The following CACNA2D3 variants were observed in gnomAD, a reference collection of about 807,000 sequenced individuals.
The protein encoded by CACNA2D3 is voltage-dependent calcium channel subunit alpha-2/delta-3.
A neutral mutation model predicts 160.6 loss-of-function variants in CACNA2D3; 60 were observed. The observed-to-expected ratio is 0.37, with a 90% CI of 0.30 to 0.46. CACNA2D3 has a LOEUF of 0.46. CACNA2D3 is among the 20% of genes least tolerant of loss of function. The probability of loss-of-function intolerance (pLI) is 1.00; values close to 1 mark genes in which losing one functional copy is unlikely to be tolerated. For missense variants in CACNA2D3, 1,205 were observed against 1,365.0 expected, an observed-to-expected ratio of 0.88 and a Z score of 1.85; for synonymous variants, 558 against 492.9, an observed-to-expected ratio of 1.13 and a Z score of -1.75.
intron 2 of CACNA2D3, among the ~76,000 whole-genome samples, chr3:54,237,784 C>G (rs1701910317): frequency 6.6e-6 from 1 of 152,204 alleles, no homozygotes; most frequent in Non-Finnish European, 1.5e-5. Flanking sequence ...CATTTTTCAT[C>G]TTTTCTCTTT....
chr3:54,978,768 G>T (rs1194191487), intron 29 of CACNA2D3, among the ~76,000 whole-genome samples: 5 of 152,138 alleles, frequency 3.3e-5, no homozygotes. Flanking sequence ...TGTTTCTTCT[G>T]AGCAGCAGTC....
At chr3:54,210,757 A>G (rs1263424993) in intron 2 of CACNA2D3, among the ~76,000 whole-genome samples, 2 of 152,108 alleles carry the variant, frequency 1.3e-5, no homozygotes, top group Non-Finnish European at 2.9e-5. Flanking sequence ...GTTCCCCTGA[A>G]GAGTCTGCCA....
chr3:54,418,496 AG>A (rs35129875), intron 4 of CACNA2D3, among the ~76,000 whole-genome samples: 9,143 of 152,300 alleles, frequency 0.06, 363 homozygotes, highest in East Asian at 0.18. Context: ...GCCACAACAC[AG>A]CTTTTGTCTG....
At chr3:54,861,609 A>C (rs1242774850) in intron 17 of CACNA2D3, among the ~76,000 whole-genome samples, 1 of 152,192 alleles carries the variant, frequency 6.6e-6, no homozygotes, top group Non-Finnish European at 1.5e-5. Context: ...TGGAAGGGTT[A>C]GAGTACAGGC....
intron 10 of CACNA2D3, among the ~76,000 whole-genome samples, chr3:54,641,838 C>T (rs1211069429): frequency 6.6e-6 from 1 of 152,226 alleles, no homozygotes. Context: ...CACTTCCTGG[C>T]ATGGCCTGAA....
chr3:54,137,704 G>A (rs558362767), intron 2 of CACNA2D3, among the ~76,000 whole-genome samples: 9 of 152,242 alleles, frequency 5.9e-5, no homozygotes, highest in African/African-American at 2.2e-4. Flanking sequence ...CTGGTATTTT[G>A]TACTTTATTC....
At chr3:54,419,955 G>A (rs558281316) in intron 4 of CACNA2D3, among the ~76,000 whole-genome samples, 2 of 151,996 alleles carry the variant, frequency 1.3e-5, no homozygotes, top group South Asian at 2.1e-4. Context: ...TAGTAGAGAC[G>A]GGGTTTCACC....
chr3:54,124,157 G>A (rs148983900), intron 2 of CACNA2D3, among the ~76,000 whole-genome samples: 2 of 152,270 alleles, frequency 1.3e-5, no homozygotes, highest in East Asian at 3.9e-4. Context: ...CTGCACTGCC[G>A]GGTAATAACC....
intron 11 of CACNA2D3, among the ~76,000 whole-genome samples, chr3:54,750,798 C>G (rs1449855396): frequency 6.6e-6 from 1 of 151,282 alleles, no homozygotes; most frequent in Non-Finnish European, 1.5e-5. Context: ...TGACATAGGC[C>G]CTCACTCTAT....
At chr3:54,413,419 G>GAT in intron 4 of CACNA2D3, among the ~76,000 whole-genome samples, 1 of 116,420 alleles carries the variant, frequency 8.6e-6, no homozygotes. Flanking sequence ...TATATATATA[G>GAT]ATATCTATAT....
chr3:54,541,162 A>C (rs1014231005), intron 5 of CACNA2D3, among the ~76,000 whole-genome samples: 1 of 151,242 alleles, frequency 6.6e-6, no homozygotes, highest in Non-Finnish European at 1.5e-5. Flanking sequence ...CTGTAGTCCC[A>C]GCTACTCGGG....
At chr3:54,469,815 G>A (rs146066414) in intron 4 of CACNA2D3, among the ~76,000 whole-genome samples, 1,750 of 151,902 alleles carry the variant, frequency 0.012, 29 homozygotes, top group African/African-American at 0.04. Flanking sequence ...CCGATCAAGC[G>A]GAAGAAAGGA....
At chr3:54,522,118 C>CT (rs1279574481) in intron 5 of CACNA2D3, among the ~76,000 whole-genome samples, 3 of 151,712 alleles carry the variant, frequency 2.0e-5, no homozygotes, top group South Asian at 4.2e-4. Context: ...GGATCTGTAG[C>CT]TTTTTTTTGG....
At chr3:54,794,837 T>C (rs898941455) in intron 13 of CACNA2D3, among the ~76,000 whole-genome samples, 2 of 152,140 alleles carry the variant, frequency 1.3e-5, no homozygotes, top group Admixed American at 6.5e-5. Context: ...TTTGTTGTTA[T>C]GATATGTTTT....
At chr3:54,650,224 A>G (rs1202113635) in intron 11 of CACNA2D3, among the ~76,000 whole-genome samples, 2 of 47,448 alleles carry the variant, frequency 4.2e-5, no homozygotes, top group Non-Finnish European at 6.6e-5. Flanking sequence ...TTTGAGACGG[A>G]GTCTTGCTCT....
chr3:54,124,869 G>A, intron 2 of CACNA2D3, among the ~76,000 whole-genome samples: 1 of 152,168 alleles, frequency 6.6e-6, no homozygotes, highest in African/African-American at 2.4e-5. Flanking sequence ...AAATGCCCTC[G>A]TGGAAGATGA....
intron 10 of CACNA2D3, among the ~76,000 whole-genome samples, chr3:54,641,590 C>G (rs149421598): frequency 6.6e-6 from 1 of 152,310 alleles, no homozygotes; most frequent in Admixed American, 6.5e-5. Flanking sequence ...CAGGAGAAGA[C>G]TTTATATGAC....
intron 5 of CACNA2D3, among the ~76,000 whole-genome samples, chr3:54,545,148 A>T (rs1195541942): frequency 6.6e-6 from 1 of 152,260 alleles, no homozygotes; most frequent in East Asian, 1.9e-4. Flanking sequence ...CACAAGTTTT[A>T]GCACCTATAT....
At chr3:54,317,845 T>A (rs1021011022) in intron 2 of CACNA2D3, among the ~76,000 whole-genome samples, 4 of 152,104 alleles carry the variant, frequency 2.6e-5, no homozygotes, top group African/African-American at 9.7e-5. Flanking sequence ...GGCCCCAAAC[T>A]CGCTTTTATA....
Sources: gnomAD v4.1 joint callset for allele counts (sites outside exome capture counted in the v4.1 genomes callset) on GRCh38, gnomAD v4.1.1 for gene constraint, MANE v1.5 for transcripts, NCBI Gene and HGNC (gene_info 2026-07-23, HGNC 2026-07-21) for gene names.